ADARB2: variants seen among roughly 807,000 people sequenced by gnomAD.
ADARB2 encodes adenosine deaminase RNA specific B2 (inactive).
Under a neutral mutation model 62.2 loss-of-function variants are expected in ADARB2, and 25 were observed. That is an observed-to-expected ratio of 0.40 (90% CI 0.29 to 0.56). ADARB2 has a LOEUF of 0.56. ADARB2 is among the 20% of genes least tolerant of loss of function. The pLI, the probability that ADARB2 is intolerant of heterozygous loss-of-function variation, is 0.43. For synonymous variants in ADARB2, 572 were observed against 500.8 expected (o/e 1.14, Z -1.90); for missense variants, 1,071 against 1,077.4 (o/e 0.99, Z 0.08).
At chr10:1,657,207 A>C (rs1348778852) in intron 1 of ADARB2, among the ~76,000 whole-genome samples, 1 of 152,158 alleles carries the variant, frequency 6.6e-6, no homozygotes, top group East Asian at 1.9e-4. Context: ...CTAGATTTTC[A>C]AAAAAGTATG....
intron 1 of ADARB2, among the ~76,000 whole-genome samples, chr10:1,494,593 A>G (rs1831664877): frequency 6.6e-6 from 1 of 152,126 alleles, no homozygotes. Context: ...CAGAACATCA[A>G]CTGCTGAGTA....
At chr10:1,513,837 T>TA (rs1356724105) in intron 1 of ADARB2, among the ~76,000 whole-genome samples, 1 of 152,154 alleles carries the variant, frequency 6.6e-6, no homozygotes, top group African/African-American at 2.4e-5. Context: ...TGGCGCCTCT[T>TA]ACTGTTCAAC....
At chr10:1,734,709 C>G (rs2119052301) in intron 1 of ADARB2, among the ~76,000 whole-genome samples, 1 of 152,340 alleles carries the variant, frequency 6.6e-6, no homozygotes, top group South Asian at 2.1e-4. Context: ...TCAGTGTCTT[C>G]AGTTAGCACC....
At chr10:1,657,043 G>T (rs537322139) in intron 1 of ADARB2, among the ~76,000 whole-genome samples, 158 of 150,318 alleles carry the variant, frequency 1.1e-3, no homozygotes, top group Middle Eastern at 3.5e-3. Flanking sequence ...TTTAACAAAA[G>T]TTCTCATAAA....
At chr10:1,456,995 C>T (rs979465024) in intron 1 of ADARB2, among the ~76,000 whole-genome samples, 18 of 134,382 alleles carry the variant, frequency 1.3e-4, no homozygotes, top group Non-Finnish European at 1.0e-4. Context: ...GGGGGTTTCA[C>T]CATCTCTGCC....
At chr10:1,711,302 C>T (rs1204802292) in intron 1 of ADARB2, among the ~76,000 whole-genome samples, 11 of 152,154 alleles carry the variant, frequency 7.2e-5, no homozygotes, top group African/African-American at 1.2e-4. Flanking sequence ...TCTGTGAGAA[C>T]GAACTCAAGG....
chr10:1,247,346 G>C (rs2131780572), intron 4 of ADARB2, among the ~76,000 whole-genome samples: 1 of 152,222 alleles, frequency 6.6e-6, no homozygotes, highest in East Asian at 1.9e-4. Context: ...GATTGCCCTG[G>C]CCAAAACTTC....
intron 1 of ADARB2, among the ~76,000 whole-genome samples, chr10:1,642,939 C>A (rs561987784): frequency 6.6e-6 from 1 of 152,236 alleles, no homozygotes; most frequent in African/African-American, 2.4e-5. Context: ...CTCCACCCCG[C>A]GGCCCCCTCC....
intron 1 of ADARB2, among the ~76,000 whole-genome samples, chr10:1,624,578 G>A (rs1001781896): frequency 4.6e-5 from 7 of 152,188 alleles, no homozygotes; most frequent in Non-Finnish European, 1.0e-4. Flanking sequence ...CGAAACTCAC[G>A]AGGTTATGAC....
intron 1 of ADARB2, among the ~76,000 whole-genome samples, chr10:1,608,692 A>C (rs1833525912): frequency 1.3e-5 from 2 of 151,062 alleles, no homozygotes; most frequent in African/African-American, 4.9e-5. Context: ...AGGAGGAAAA[A>C]GTAAGAAAGA....
At chr10:1,354,344 C>T (rs1393767204) in intron 3 of ADARB2, among the ~76,000 whole-genome samples, 1 of 152,172 alleles carries the variant, frequency 6.6e-6, no homozygotes, top group African/African-American at 2.4e-5. Flanking sequence ...CCTGGCTCAT[C>T]CTGGCTCAAA....
chr10:1,418,762 A>G (rs910337181), intron 1 of ADARB2, among the ~76,000 whole-genome samples: 2 of 152,206 alleles, frequency 1.3e-5, no homozygotes, highest in African/African-American at 4.8e-5. Flanking sequence ...TTTTAAACTC[A>G]GTGAGCATTC....
intron 1 of ADARB2, among the ~76,000 whole-genome samples, chr10:1,604,749 C>T (rs145733480): frequency 3.9e-5 from 6 of 152,296 alleles, no homozygotes; most frequent in African/African-American, 4.8e-5. Flanking sequence ...CGCATGAGAA[C>T]GTTACAATGA....
intron 7 of ADARB2, among the ~76,000 whole-genome samples, chr10:1,214,528 G>A (rs1197753486): frequency 2.6e-5 from 4 of 151,196 alleles, no homozygotes; most frequent in South Asian, 2.1e-4. Flanking sequence ...CCAGCGTCGC[G>A]TGGGTTTGCA....
At chr10:1,267,377 AGAT>A (rs1222423489) in intron 4 of ADARB2, among the ~76,000 whole-genome samples, 4 of 152,226 alleles carry the variant, frequency 2.6e-5, no homozygotes, top group Non-Finnish European at 4.4e-5. Flanking sequence ...CCATCGTTTT[AGAT>A]GATGCTTCTT....
Position 1,459,954 on chromosome 10 carries a change from CCTGTGACCTGAGTTTACCTGTGT to C in ADARB2, c.101-80817_101-80795del, listed in dbSNP as rs1831148526. ...TGAGTTTACCTGCGTTACGAACCTG[CCTGTGACCTGAGTTTACCTGTGT>C]AGCAAACCTGCCTGTGACCTGAGTT... On this transcript the variant is annotated intron_variant, in intron 1 of 9. Transcript: ENST00000381312. 1.3e-4 allele frequency among the ~76,000 whole-genome samples: 19 copies of C among 142,848 alleles called. No individual in the cohort carries two copies. The South Asian group carries it at 4.1e-3, about 31-fold the overall frequency. 93.7% of individuals were successfully genotyped at this position (142,848 alleles called of 152,430 possible).
chr10:1,577,600 C>T (rs115946109), intron 1 of ADARB2, among the ~76,000 whole-genome samples: 2,354 of 152,284 alleles, frequency 0.015, 72 homozygotes, highest in African/African-American at 0.053. Flanking sequence ...CCAGGCTGTA[C>T]GAAGGCCTTG....
intron 1 of ADARB2, among the ~76,000 whole-genome samples, chr10:1,723,963 C>A (rs961003568): frequency 6.6e-6 from 1 of 152,134 alleles, no homozygotes; most frequent in Non-Finnish European, 1.5e-5. Flanking sequence ...GGCACTGATA[C>A]CCTAACCGTA....
chr10:1,729,252 C>A (rs1304043085), intron 1 of ADARB2, among the ~76,000 whole-genome samples: 2 of 152,210 alleles, frequency 1.3e-5, no homozygotes, highest in Non-Finnish European at 2.9e-5. Context: ...TAAAACAAAT[C>A]ATTTGTAGAT....
Sources: allele counts gnomAD v4.1 joint callset (sites outside exome capture counted in the v4.1 genomes callset), GRCh38; gene constraint gnomAD v4.1.1; transcripts MANE v1.5; gene names NCBI Gene and HGNC (gene_info 2026-07-23, HGNC 2026-07-21).